Variants in PREX2 observed in about 807,000 individuals in gnomAD.
The protein encoded by PREX2 is phosphatidylinositol 3,4,5-trisphosphate-dependent Rac exchanger 2 protein.
PREX2 carries 107 observed loss-of-function variants against 203.2 expected under a neutral mutation model. That is an observed-to-expected ratio of 0.53 (90% CI 0.45 to 0.62). PREX2 has a LOEUF of 0.62. Ranked by LOEUF, PREX2 falls within the 20% of genes least tolerant of loss-of-function variation. The pLI is 0.00. For synonymous variants in PREX2, 672 were observed against 663.6 expected (o/e 1.01, Z -0.19); for missense variants, 1,777 against 1,955.9 (o/e 0.91, Z 1.72).
In PREX2 at chr8:68,038,262, A is replaced by C. The variant is rs1808094342; in HGVS notation, c.809A>C (p.Asn270Thr). Residue 270 changes from asparagine (N) to threonine (T), a missense_variant, in exon 7 of 40, where the codon AAT becomes ACT. Transcript: ENST00000288368. ...GAACGGGTGTTTTTTCTTTTCGATA[A>C]TCTTTTGGTGTACTGCAAAAGAAAA... ...IQERVFFLFD[N>T]LLVYCKRKHR... 6.2e-7 allele frequency: 1 copy of C among 1,613,774 alleles called. No individual in the cohort carries two copies. Among genetic ancestry groups the C allele is most frequent in the Non-Finnish European group, 8.5e-7 (1 of 1,179,838 alleles).
intron 7 of PREX2, among the ~76,000 whole-genome samples, chr8:68,044,192 C>T (rs1375971069): frequency 6.6e-6 from 1 of 152,030 alleles, no homozygotes; most frequent in African/African-American, 2.4e-5. Context: ...TCTGATTGGG[C>T]ACCGCTAATG....
intron 6 of PREX2, among the ~76,000 whole-genome samples, chr8:68,035,913 G>A (rs544976018): frequency 5.3e-5 from 8 of 152,056 alleles, no homozygotes; most frequent in African/African-American, 1.9e-4. Context: ...TACACTTTGC[G>A]GCATAACCAT....
intron 33 of PREX2, among the ~76,000 whole-genome samples, chr8:68,145,218 A>G (rs534086989): frequency 2.0e-5 from 3 of 152,162 alleles, no homozygotes; most frequent in Non-Finnish European, 2.9e-5. Flanking sequence ...CGAATGCTTC[A>G]TGTCTTCATT....
At chr8:68,220,193 T>C (rs1812928027) in intron 38 of PREX2, 1 of 152,124 alleles carries the variant, frequency 6.6e-6, no homozygotes, top group Non-Finnish European at 1.5e-5. Flanking sequence ...GTATATACTT[T>C]TCATACAGTT....
At chr8:68,200,094 A>G (rs888003702) in intron 37 of PREX2, among the ~76,000 whole-genome samples, 1 of 152,218 alleles carries the variant, frequency 6.6e-6, no homozygotes, top group African/African-American at 2.4e-5. Flanking sequence ...AAGACCCAGT[A>G]ACAAGATTAG....
intron 38 of PREX2, chr8:68,223,480 C>A (rs989603891): frequency 6.6e-6 from 1 of 152,142 alleles, no homozygotes; most frequent in Admixed American, 6.5e-5. Flanking sequence ...TTTCTTCCCA[C>A]CTTTCTTTTT....
At chr8:68,152,148 G>A (rs1226082252) in intron 34 of PREX2, among the ~76,000 whole-genome samples, 1 of 151,646 alleles carries the variant, frequency 6.6e-6, no homozygotes, top group South Asian at 2.1e-4. Flanking sequence ...AATTAGCCAG[G>A]CCTGGTGGCG....
At chr8:68,051,544 T>C (rs1265266944) in intron 8 of PREX2, among the ~76,000 whole-genome samples, 3 of 152,128 alleles carry the variant, frequency 2.0e-5, no homozygotes, top group South Asian at 2.1e-4. Flanking sequence ...CTGAATTTTT[T>C]CCCCCAGTTT....
Position 68,118,622 on chromosome 8 carries a change from C to G in PREX2, c.3399C>G (p.Phe1133Leu), listed in dbSNP as rs1810706665. The G allele has an allele frequency of 6.2e-7, 1 of 1,613,810 alleles. No homozygotes were observed. Among genetic ancestry groups the G allele is most frequent in the Non-Finnish European group, 8.5e-7 (1 of 1,179,734 alleles). ...SICSSQCSSY[F>L]HSDEMDSGDE... ...GCAGCAGCCAGTGCAGCTCGTATTT[C>G]CACAGTGATGAAATGGACTCAGGTG... Residue 1133 changes from phenylalanine (F) to leucine (L), a missense_variant, in exon 27 of 40, where the codon TTC becomes TTG. Coordinates refer to ENST00000288368, the MANE Select transcript of PREX2 (RefSeq NM_024870.4).
At chr8:67,984,362 A>C (rs560029557) in intron 1 of PREX2, among the ~76,000 whole-genome samples, 1 of 152,336 alleles carries the variant, frequency 6.6e-6, no homozygotes, top group Non-Finnish European at 1.5e-5. Flanking sequence ...TCAATAAATA[A>C]TTGTTGAACT....
chr8:67,985,784 A>G (rs956761730), intron 1 of PREX2, among the ~76,000 whole-genome samples: 1 of 152,170 alleles, frequency 6.6e-6, no homozygotes, highest in Non-Finnish European at 1.5e-5. Context: ...TGGGCAGGCC[A>G]TTGGGCTTGG....
intron 9 of PREX2, among the ~76,000 whole-genome samples, chr8:68,055,007 T>C (rs980922245): frequency 1.3e-5 from 2 of 152,256 alleles, no homozygotes; most frequent in African/African-American, 2.4e-5. Flanking sequence ...CCTATGGCCC[T>C]ACCCTTATTT....
At position 68,215,514 on chromosome 8, in the gene PREX2, TAAA is replaced by T. The variant is rs367850943; in HGVS notation, c.4605-2101_4605-2099del. 1.7e-4 allele frequency among the ~76,000 whole-genome samples: 26 copies of T among 150,314 alleles called. No individual in the cohort carries two copies. The East Asian group carries it at 3.9e-3, about 23-fold the overall frequency. On this transcript the variant is annotated intron_variant, in intron 37 of 39. Transcript: ENST00000288368. The stretch of plus-strand genomic sequence containing the variant: ...ATGGTCTGTTGAGTAAGCTGGCAGT[TAAA>T]TGCTTTGTAGAAAACTGATTTTTTT...
At chr8:68,088,920 TTAG>T in intron 19 of PREX2, among the ~76,000 whole-genome samples, 1 of 152,206 alleles carries the variant, frequency 6.6e-6, no homozygotes, top group East Asian at 1.9e-4. Flanking sequence ...TCTTTGGAGC[TTAG>T]TGGTGGGGTT....
intron 7 of PREX2, 124 bp downstream of exon 7, chr8:68,038,416 A>G: frequency 2.1e-6 from 2 of 961,092 alleles, no homozygotes; most frequent in Admixed American, 2.5e-5. Context: ...CCCAGAGCCC[A>G]TCATCCATCA....
intron 37 of PREX2, among the ~76,000 whole-genome samples, chr8:68,207,879 G>A (rs1812667493): frequency 1.3e-5 from 2 of 151,942 alleles, no homozygotes; most frequent in African/African-American, 2.4e-5. Context: ...GATACTGTGT[G>A]TGACTTCAAC....
rs143465377 is a variant in PREX2, at chr8:68,037,861, A to G, written c.706-298A>G. Among the ~76,000 whole-genome samples the G allele has an allele frequency of 3.3e-5, 5 of 152,270 alleles. No homozygotes were observed. The East Asian group carries it at 9.7e-4, about 29-fold the overall frequency. Reference sequence around the variant, plus strand: ...TAACATTATGAATTAATTTGAAGTCATCTCCTTTCAACATGACATAGGTGA... The same window carrying G: ...TAACATTATGAATTAATTTGAAGTCGTCTCCTTTCAACATGACATAGGTGA... On this transcript the variant is annotated intron_variant, in intron 6 of 39. Coordinates refer to ENST00000288368, the MANE Select transcript of PREX2 (RefSeq NM_024870.4).
Position 68,231,443 on chromosome 8 carries a change from T to A in PREX2, c.*65T>A. On this transcript the variant is annotated 3_prime_UTR_variant, in exon 40 of 40. Coordinates refer to ENST00000288368, the MANE Select transcript of PREX2 (RefSeq NM_024870.4). The stretch of plus-strand genomic sequence containing the variant: ...ATGCTGGACTAGACAAACTACATGC[T>A]GGCTAAACATTCTCCACTGAAGATA... 7.9e-7 allele frequency: 1 copy of A among 1,264,206 alleles called. No individual in the cohort carries two copies. The highest frequency in any genetic ancestry group is 1.1e-6 in the Non-Finnish European group (1 of 915,624). 78.3% of individuals were successfully genotyped at this position (1,264,206 alleles called of 1,614,324 possible).
intron 5 of PREX2, among the ~76,000 whole-genome samples, chr8:68,027,797 A>G (rs567796295): frequency 2.9e-4 from 44 of 152,224 alleles, no homozygotes; most frequent in Non-Finnish European, 5.1e-4. Context: ...ACATGAGACA[A>G]TAAATGATAG....
Sources: allele counts gnomAD v4.1 joint callset (sites outside exome capture counted in the v4.1 genomes callset), GRCh38; gene constraint gnomAD v4.1.1; transcripts MANE v1.5; gene names NCBI Gene and HGNC (gene_info 2026-07-23, HGNC 2026-07-21).